ADGRG7: variants seen among roughly 807,000 people sequenced by gnomAD.
ADGRG7 encodes adhesion G protein-coupled receptor G7, also known as G-protein coupled receptor 128.
Under a neutral mutation model 88.6 loss-of-function variants are expected in ADGRG7, and 82 were observed. The ratio of observed to expected loss-of-function variants is 0.93; its 90% CI spans 0.77 to 1.11. ADGRG7 has a LOEUF of 1.11. ADGRG7 is among the 50% of genes most tolerant of loss of function. The pLI, the probability that ADGRG7 is intolerant of heterozygous loss-of-function variation, is 0.00. For synonymous variants in ADGRG7, 381 were observed against 345.2 expected, an observed-to-expected ratio of 1.10 and a Z score of -1.15; for missense variants, 945 against 953.4, an observed-to-expected ratio of 0.99 and a Z score of 0.12.
intron 15 of ADGRG7, among the ~76,000 whole-genome samples, chr3:100,687,809 G>T (rs1170798948): frequency 6.6e-6 from 1 of 152,280 alleles, no homozygotes; most frequent in South Asian, 2.1e-4. Context: ...TTGCATCGAT[G>T]TTCATCAGGG....
At chr3:100,691,704 G>A (rs1450658799) in intron 15 of ADGRG7, among the ~76,000 whole-genome samples, 2 of 150,990 alleles carry the variant, frequency 1.3e-5, no homozygotes, top group African/African-American at 2.4e-5. Flanking sequence ...TTATTGATGG[G>A]CTTTATTCTT....
intron 15 of ADGRG7, among the ~76,000 whole-genome samples, chr3:100,677,155 C>G (rs1473160633): frequency 6.6e-6 from 1 of 151,904 alleles, no homozygotes; most frequent in Non-Finnish European, 1.5e-5. Context: ...CTGGTCTCCT[C>G]TTCTTTTCTG....
At chr3:100,616,406 A>T (rs73143183) in intron 1 of ADGRG7, among the ~76,000 whole-genome samples, 17,064 of 152,210 alleles carry the variant, frequency 0.11, 1,305 homozygotes, top group Middle Eastern at 0.2. Flanking sequence ...AAAAAAGAAA[A>T]ATACAGTATT....
At chr3:100,659,439 C>CAAAAAA (rs373835556) in intron 13 of ADGRG7, among the ~76,000 whole-genome samples, 5 of 80,904 alleles carry the variant, frequency 6.2e-5, no homozygotes, top group African/African-American at 6.2e-5. Context: ...GACTCAGTCT[C>CAAAAAA]AAAAAAAAAA....
At chr3:100,689,052 T>A (rs1446079956) in intron 15 of ADGRG7, among the ~76,000 whole-genome samples, 4 of 152,264 alleles carry the variant, frequency 2.6e-5, no homozygotes, top group Admixed American at 1.3e-4. Context: ...TTTGTGAATC[T>A]GGGTGCTCCT....
intron 14 of ADGRG7, among the ~76,000 whole-genome samples, chr3:100,662,812 A>C (rs925848767): frequency 7.2e-5 from 11 of 152,068 alleles, no homozygotes; most frequent in Non-Finnish European, 1.6e-4. Flanking sequence ...AATTATGAAA[A>C]AAACAAAAAA....
intron 15 of ADGRG7, among the ~76,000 whole-genome samples, chr3:100,682,675 G>A (rs1301481866): frequency 2.0e-5 from 3 of 152,128 alleles, no homozygotes; most frequent in Non-Finnish European, 2.9e-5. Context: ...TTGCAGTGAC[G>A]TCACCCCTGC....
chr3:100,614,101 C>A (rs1022115354), intron 1 of ADGRG7, among the ~76,000 whole-genome samples: 1 of 152,142 alleles, frequency 6.6e-6, no homozygotes, highest in Non-Finnish European at 1.5e-5. Flanking sequence ...GGCTGCTATC[C>A]TCTAGGTATT....
At chr3:100,685,482 G>A (rs60918523) in intron 15 of ADGRG7, among the ~76,000 whole-genome samples, 38,986 of 151,726 alleles carry the variant, frequency 0.26, 5,613 homozygotes, top group East Asian at 0.54. Context: ...CCATTAAGTC[G>A]TCATTTAGCA....
intron 4 of ADGRG7, among the ~76,000 whole-genome samples, chr3:100,634,127 T>C (rs971513104): frequency 3.9e-5 from 6 of 152,240 alleles, no homozygotes; most frequent in African/African-American, 1.2e-4. Context: ...TCTAACTAGA[T>C]GTTTTTTCAT....
At chr3:100,689,917 G>A (rs2094990184) in intron 15 of ADGRG7, among the ~76,000 whole-genome samples, 1 of 152,068 alleles carries the variant, frequency 6.6e-6, no homozygotes, top group East Asian at 1.9e-4. Flanking sequence ...TCTGAATGTT[G>A]GCCTGCCTTG....
intron 8 of ADGRG7, 37 bp from the exon 9 acceptor site, chr3:100,645,908 T>A (rs770662786): frequency 2.5e-6 from 4 of 1,582,222 alleles, no homozygotes; most frequent in Non-Finnish European, 2.6e-6. Context: ...TACCTTACAG[T>A]GCACTTATTG....
chr3:100,660,875 C>A (rs1022898687), intron 14 of ADGRG7, among the ~76,000 whole-genome samples: 4 of 151,616 alleles, frequency 2.6e-5, no homozygotes, highest in African/African-American at 9.7e-5. Flanking sequence ...TCGCTTGAAC[C>A]CAGGAGGTGG....
intron 15 of ADGRG7, among the ~76,000 whole-genome samples, chr3:100,671,199 C>A (rs1252044838): frequency 6.6e-6 from 1 of 152,220 alleles, no homozygotes; most frequent in Non-Finnish European, 1.5e-5. Flanking sequence ...TCTCCACATC[C>A]TCTCCAGCAT....
rs1445214572 is a variant in ADGRG7, at chr3:100,637,414, T to A, written c.698+12T>A. On this transcript the variant is annotated intron_variant, in intron 6 of 15. Transcript: ENST00000273352. ...GATGCCCTTACAACGTAAGCACAAA[T>A]TCAATTTGGAAAGAAAACTTGACTA... 6.3e-7 allele frequency: 1 copy of A among 1,594,530 alleles called. No homozygotes were observed. The highest frequency in any genetic ancestry group is 1.1e-5 in the South Asian group (1 of 90,552).
chr3:100,635,231 A>ACG (rs10662752), intron 4 of ADGRG7, among the ~76,000 whole-genome samples: 1 of 151,700 alleles, frequency 6.6e-6, no homozygotes, highest in Non-Finnish European at 1.5e-5. Flanking sequence ...TTTGTGAAAT[A>ACG]ATAAAAATAA....
intron 1 of ADGRG7, among the ~76,000 whole-genome samples, chr3:100,623,498 T>C (rs1297130812): frequency 2.6e-5 from 4 of 152,184 alleles, no homozygotes; most frequent in African/African-American, 7.2e-5. Flanking sequence ...CCCTCAGTAA[T>C]GTGAGCCTTC....
chr3:100,610,826 G>A (rs1243355299), intron 1 of ADGRG7, among the ~76,000 whole-genome samples: 1 of 152,226 alleles, frequency 6.6e-6, no homozygotes, highest in Non-Finnish European at 1.5e-5. Flanking sequence ...AAGGCAGCAG[G>A]AGAGGCAGTA....
At chr3:100,622,277 T>G (rs1707323371) in intron 1 of ADGRG7, among the ~76,000 whole-genome samples, 1 of 151,772 alleles carries the variant, frequency 6.6e-6, no homozygotes, top group South Asian at 2.1e-4. Flanking sequence ...TTTTTTTTTT[T>G]TTTTTTTTGC....
Sources: gnomAD v4.1 joint callset for allele counts (sites outside exome capture counted in the v4.1 genomes callset) on GRCh38, gnomAD v4.1.1 for gene constraint, MANE v1.5 for transcripts, NCBI Gene and HGNC (gene_info 2026-07-23, HGNC 2026-07-21) for gene names.